The following ZBTB38 variants were observed in gnomAD, a reference collection of about 807,000 sequenced individuals.
ZBTB38 encodes zinc finger and BTB domain containing 38.
In ZBTB38, 20 loss-of-function variants were observed where a neutral mutation model predicts 76.8. That is an observed-to-expected ratio of 0.26 (90% confidence interval 0.18 to 0.38). ZBTB38 has a LOEUF of 0.38. Among genes scored for constraint, ZBTB38 ranks in the 10% least tolerant of loss-of-function variants. The pLI is 1.00. For missense variants in ZBTB38, 1,082 were observed against 1,482.3 expected (o/e 0.73, Z 4.43); for synonymous variants, 504 against 544.2 (o/e 0.93, Z 1.03).
intron 5 of ZBTB38, among the ~76,000 whole-genome samples, chr3:141,438,774 G>A (rs1026662706): frequency 6.6e-6 from 1 of 151,980 alleles, no homozygotes; most frequent in African/African-American, 2.4e-5. Flanking sequence ...ACTGTAGGGA[G>A]TCCTTTAGGG....
intron 4 of ZBTB38, among the ~76,000 whole-genome samples, chr3:141,392,251 A>G (rs1949100090): frequency 6.6e-6 from 1 of 152,292 alleles, no homozygotes; most frequent in Admixed American, 6.5e-5. Flanking sequence ...AGAGTGGGGA[A>G]GGGGGCTGGT....
In ZBTB38 at chr3:141,444,565, T is replaced by G; in HGVS notation, c.2177T>G (p.Val726Gly). 6.2e-7 allele frequency: 1 copy of G among 1,614,146 alleles called. No homozygotes were observed. Among genetic ancestry groups the G allele is most frequent in the East Asian group, 2.2e-5 (1 of 44,884 alleles). Reference sequence around the variant, plus strand: ...GTACACAGCAGCCAGTTTTCATCGGTGATCATGCACAGCAATGCCATTGCT... The same window carrying G: ...GTACACAGCAGCCAGTTTTCATCGGGGATCATGCACAGCAATGCCATTGCT... The part of the protein sequence containing the change: ...VIVHSSQFSS[V>G]IMHSNAIAAM... Residue 726 changes from valine (V) to glycine (G), a missense_variant, in exon 6 of 6, where the codon GTG (valine) becomes GGG (glycine). By Grantham distance (109) the Val-to-Gly change is moderately radical. Transcript: ENST00000321464. The surrounding 1 kb of genome is among the most constrained non-coding windows in gnomAD (Gnocchi z 5.1).
chr3:141,331,566 C>T (rs1233731348), intron 1 of ZBTB38, among the ~76,000 whole-genome samples: 1 of 151,724 alleles, frequency 6.6e-6, no homozygotes, highest in Non-Finnish European at 1.5e-5. Flanking sequence ...TTTTATTGCT[C>T]ACACACAAAT....
intron 3 of ZBTB38, among the ~76,000 whole-genome samples, chr3:141,382,419 T>C (rs1319896567): frequency 1.3e-5 from 2 of 152,178 alleles, no homozygotes; most frequent in Non-Finnish European, 2.9e-5. Context: ...ATAAACTCAC[T>C]TATGAAGTGT....
upstream of ZBTB38, among the ~76,000 whole-genome samples, chr3:141,364,535 G>C (rs1445398487): frequency 4.0e-5 from 6 of 151,458 alleles, no homozygotes; most frequent in African/African-American, 1.5e-4. Context: ...AAATAAGCCA[G>C]GTGTGGTGGC....
upstream of ZBTB38, among the ~76,000 whole-genome samples, chr3:141,367,908 T>C (rs1199494818): frequency 6.6e-6 from 1 of 152,198 alleles, no homozygotes; most frequent in Non-Finnish European, 1.5e-5. Context: ...GATATAAATA[T>C]CCCCTTTAAA....
intron 1 of ZBTB38, among the ~76,000 whole-genome samples, chr3:141,343,059 G>T (rs1251760679): frequency 2.0e-5 from 3 of 152,172 alleles, no homozygotes; most frequent in Non-Finnish European, 4.4e-5. Flanking sequence ...AAACAAAGCT[G>T]CAAAGTATTT....
intron 5 of ZBTB38, among the ~76,000 whole-genome samples, chr3:141,431,323 C>CAAAAAA (rs71976494): frequency 2.2e-4 from 22 of 101,400 alleles, no homozygotes; most frequent in African/African-American, 7.8e-4. Context: ...GACTTCGTCT[C>CAAAAAA]AAAAAAAAAA....
chr3:141,355,488 C>A (rs1943632174), intron 1 of ZBTB38, among the ~76,000 whole-genome samples: 1 of 152,004 alleles, frequency 6.6e-6, no homozygotes, highest in African/African-American at 2.4e-5. Flanking sequence ...GCTAGTTGGA[C>A]CCTCTAGGGG....
intron 5 of ZBTB38, among the ~76,000 whole-genome samples, chr3:141,418,854 T>C (rs973554534): frequency 6.6e-6 from 1 of 152,208 alleles, no homozygotes; most frequent in Non-Finnish European, 1.5e-5. Flanking sequence ...CAAAATACTG[T>C]GTGATCAAGT....
intron 4 of ZBTB38, among the ~76,000 whole-genome samples, chr3:141,393,644 G>A (rs1454064659): frequency 1.3e-5 from 2 of 152,126 alleles, no homozygotes; most frequent in African/African-American, 4.8e-5. Flanking sequence ...ATGGGGGCAG[G>A]GTGAGGATGC....
At chr3:141,350,990 TCACC>T (rs1376556532) in intron 1 of ZBTB38, among the ~76,000 whole-genome samples, 1 of 152,250 alleles carries the variant, frequency 6.6e-6, no homozygotes, top group Non-Finnish European at 1.5e-5. Flanking sequence ...AGAAGACAGT[TCACC>T]ATTGCTTTAT....
intron 1 of ZBTB38, among the ~76,000 whole-genome samples, chr3:141,360,437 T>C (rs979023970): frequency 6.6e-6 from 1 of 152,236 alleles, no homozygotes; most frequent in Non-Finnish European, 1.5e-5. Context: ...TCATTTCTAA[T>C]ACAGTTCGGC....
intron 5 of ZBTB38, among the ~76,000 whole-genome samples, chr3:141,424,787 G>A (rs994240263): frequency 1.3e-5 from 2 of 152,174 alleles, no homozygotes; most frequent in Admixed American, 6.5e-5. Context: ...CAGTGAAATA[G>A]GATATTTGTC....
At chr3:141,431,689 G>C (rs1157577751) in intron 5 of ZBTB38, 1 of 152,038 alleles carries the variant, frequency 6.6e-6, no homozygotes, top group Non-Finnish European at 1.5e-5. Context: ...GCAAGTCCAG[G>C]GCCCTAATGT....
At chr3:141,419,324 C>G (rs1349583836) in intron 5 of ZBTB38, among the ~76,000 whole-genome samples, 1 of 152,168 alleles carries the variant, frequency 6.6e-6, no homozygotes, top group Non-Finnish European at 1.5e-5. Flanking sequence ...GAGATTTGGG[C>G]AGGGACACAA....
intron 5 of ZBTB38, among the ~76,000 whole-genome samples, chr3:141,422,752 C>T (rs1201659245): frequency 6.6e-6 from 1 of 152,090 alleles, no homozygotes; most frequent in African/African-American, 2.4e-5. Flanking sequence ...CCTTAATGGG[C>T]ATGCAGGGCT....
intron 2 of ZBTB38, among the ~76,000 whole-genome samples, chr3:141,380,650 G>T (rs1167574002): frequency 6.6e-6 from 1 of 152,186 alleles, no homozygotes; most frequent in Non-Finnish European, 1.5e-5. Context: ...CAAAGATCTT[G>T]CAGGAAGCAA....
rs567110222 is a variant in ZBTB38 at position 141,442,252 on chromosome 3, C to T, written c.1-137C>T. On this transcript the variant is annotated intron_variant, in intron 5 of 5. Transcript: ENST00000321464. The surrounding 1 kb of genome is among the most constrained non-coding windows in gnomAD (Gnocchi z 6.4). ...GCTTCTAATGTTGACTCTTGAGTCT[C>T]GGGAGCATCAACAGAATGAGATAAA... The T allele has an allele frequency of 1.6e-5, 10 of 642,690 alleles. No homozygotes were observed. The highest frequency in any genetic ancestry group is 1.1e-4 in the East Asian group (4 of 36,966). The allele number at this position is 642,690 out of a possible 1,614,324, so 39.8% of individuals were successfully genotyped here. A position where few individuals can be genotyped will look rare whatever the true frequency, so the allele number is the denominator to read the frequency against.
Sources: gnomAD v4.1 joint callset for allele counts (sites outside exome capture counted in the v4.1 genomes callset) on GRCh38, gnomAD v4.1.1 for gene constraint, Gnocchi (gnomAD v3.1) non-coding constraint, MANE v1.5 for transcripts, NCBI Gene and HGNC (gene_info 2026-07-23, HGNC 2026-07-21) for gene names.